SYTL2: variants seen among roughly 807,000 people sequenced by gnomAD.
The protein encoded by SYTL2 is synaptotagmin like 2, also known as synaptotagmin-like protein 2.
A neutral mutation model predicts 198.7 loss-of-function variants in SYTL2; 165 were observed. The ratio of observed to expected loss-of-function variants is 0.83; its 90% CI spans 0.73 to 0.94. The LOEUF (loss-of-function observed/expected upper bound fraction) is 0.94, where lower values mean the gene tolerates loss of function less well. SYTL2 is among the 40% of genes least tolerant of loss of function. SYTL2 has a pLI of 0.00. For missense variants in SYTL2, 2,835 were observed against 2,582.8 expected (o/e 1.10, Z -2.12); for synonymous variants, 966 against 917.7 (o/e 1.05, Z -0.95).
intron 2 of SYTL2, 77 bp downstream of exon 2, chr11:85,757,548 A>G: frequency 6.6e-7 from 1 of 1,520,318 alleles, no homozygotes; most frequent in Non-Finnish European, 9.0e-7. Flanking sequence ...CTTATAGTTG[A>G]AAAAAACCCC....
chr11:85,797,879 A>G (rs1047637623), intron 1 of SYTL2, among the ~76,000 whole-genome samples: 5 of 151,744 alleles, frequency 3.3e-5, no homozygotes, highest in African/African-American at 7.3e-5. Flanking sequence ...CTTGAGAAGG[A>G]GTCTCACTCT....
At chr11:85,841,853 T>C in the SYTL2 span, among the ~76,000 whole-genome samples, 4 of 152,332 alleles carry the variant, frequency 2.6e-5, no homozygotes, top group African/African-American at 9.6e-5. Flanking sequence ...TCAAGTGATT[T>C]ATGTGAATTC....
intron 1 of SYTL2, among the ~76,000 whole-genome samples, chr11:85,797,103 A>T (rs979883720): frequency 6.6e-6 from 1 of 152,168 alleles, no homozygotes; most frequent in Non-Finnish European, 1.5e-5. Flanking sequence ...AGGCAGGAGG[A>T]TTGCTCGAGC....
the SYTL2 span, among the ~76,000 whole-genome samples, chr11:85,833,086 AGAAAGAAAGAAAGAAG>A: frequency 5.2e-3 from 222 of 42,332 alleles, 13 homozygotes; most frequent in Non-Finnish European, 8.8e-3. Context: ...AAAGAAAGAA[AGAAAGAAAGAAAGAAG>A]GAAGGAAGGA....
Position 85,719,208 on chromosome 11 carries a change from C to T in SYTL2, c.5429-365G>A, listed in dbSNP as rs563257940. ...TAGCCATGACTAACACCTTCCCAAACCCATGGTCATTAACAAATATTTGTG... is the reference window on the plus strand; with the variant it reads ...TAGCCATGACTAACACCTTCCCAAATCCATGGTCATTAACAAATATTTGTG... On this transcript the variant is annotated intron_variant, in intron 9 of 19. Coordinates refer to ENST00000359152, the MANE Select transcript of SYTL2 (RefSeq NM_206927.4). 1.4e-4 allele frequency: 174 copies of T among 1,232,706 alleles called. 1 individual carries two copies. The South Asian group carries it at 2.5e-3, about 18-fold the overall frequency. The allele number at this position is 1,232,706 out of a possible 1,614,324, so 76.4% of individuals were successfully genotyped here.
At chr11:85,795,566 A>G (rs1344252707) in intron 1 of SYTL2, among the ~76,000 whole-genome samples, 3 of 152,176 alleles carry the variant, frequency 2.0e-5, no homozygotes, top group Non-Finnish European at 4.4e-5. Context: ...GTTTTTTACT[A>G]TAATGTGCTG....
chr11:85,734,109 G>A lies in SYTL2; in HGVS notation c.1220C>T (p.Thr407Ile). Residue 407 changes from threonine (T) to isoleucine (I), a missense_variant, in exon 7 of 20, where the codon ACA becomes ATA. By Grantham distance (89) the Thr-to-Ile change is moderately conservative (BLOSUM62 -1). This residue lies in a region of SYTL2 where 2,645 missense variants were observed against 2,381.7 expected (regional missense o/e 1.11). Transcript: ENST00000359152. The part of the protein sequence containing the change: ...TSSPYVSKSE[T>I]HQPMTSGSFP... The stretch of plus-strand genomic sequence containing the variant: ...AGAACCAGAAGTCATTGGCTGATGT[G>A]TTTCACTTTTTGATACATATGGGCT... The A allele has an allele frequency of 6.2e-7, 1 of 1,614,174 alleles. No homozygotes were observed. Among genetic ancestry groups the A allele is most frequent in the Non-Finnish European group, 8.5e-7 (1 of 1,180,004 alleles).
At chr11:85,816,109 G>A (rs1461291411), upstream of SYTL2, among the ~76,000 whole-genome samples, 1 of 152,252 alleles carries the variant, frequency 6.6e-6, no homozygotes, top group Non-Finnish European at 1.5e-5. Flanking sequence ...AGGTTGCAGT[G>A]AGCCGAGATC....
intron 1 of SYTL2, among the ~76,000 whole-genome samples, chr11:85,803,870 T>C (rs1236241006): frequency 6.6e-6 from 1 of 152,184 alleles, no homozygotes; most frequent in East Asian, 1.9e-4. Context: ...TCCTGCCAAT[T>C]AGAGGAACAA....
chr11:85,729,050 T>C (rs1371537329), intron 7 of SYTL2, among the ~76,000 whole-genome samples: 2 of 152,194 alleles, frequency 1.3e-5, no homozygotes, highest in African/African-American at 4.8e-5. Context: ...CTATCCTAAA[T>C]ATATATGCAC....
rs536474757 is a variant in SYTL2 at position 85,719,384 on chromosome 11, C to T, written c.5429-541G>A. On this transcript the variant is annotated intron_variant, in intron 9 of 19. Transcript: ENST00000359152. The stretch of plus-strand genomic sequence containing the variant: ...TTGGAAGGGAGCGTGCAGGAATACC[C>T]GTCAGCTGATGGTGATTTTTTTTTA... 22 of 1,033,696 alleles carry T rather than the reference C, an allele frequency of 2.1e-5. No homozygotes were observed. In the Admixed American group the frequency reaches 9.0e-4, roughly 42 times the overall value. 64.0% of individuals were successfully genotyped at this position (1,033,696 alleles called of 1,614,324 possible).
the SYTL2 span, among the ~76,000 whole-genome samples, chr11:85,820,014 A>G: frequency 6.6e-6 from 1 of 152,246 alleles, no homozygotes; most frequent in Non-Finnish European, 1.5e-5. Flanking sequence ...CACCAAATAC[A>G]AAGCGCAGAT....
chr11:85,725,671 T>C lies in SYTL2; in HGVS notation c.3687A>G (p.Gln1229=), dbSNP rs1216141118. Residue 1229 remains glutamine, a synonymous_variant, in exon 8 of 20, where the codon CAA becomes CAG. Transcript: ENST00000359152. ...EATGTSPSPL[Q]AKLAPVITGT... is the part of the protein sequence containing the mutation. ...CAGTGATAACAGGCGCCAACTTGGC[T>C]TGCAAGGGAGAGGGTGAAGTTCCAG... is the stretch of plus-strand genomic sequence containing the variant. The C allele has an allele frequency of 6.2e-7, 1 of 1,613,972 alleles. No individual in the cohort carries two copies. The highest frequency in any genetic ancestry group is 8.5e-7 in the Non-Finnish European group (1 of 1,180,012).
At chr11:85,696,139 G>C (rs779131665) in intron 19 of SYTL2, 44 bp downstream of exon 19, 37 of 1,557,574 alleles carry the variant, frequency 2.4e-5, no homozygotes, top group Non-Finnish European at 1.8e-6. Flanking sequence ...AGTATCTCTA[G>C]AAAAATTTGG....
the SYTL2 span, among the ~76,000 whole-genome samples, chr11:85,829,229 G>C: frequency 1.3e-5 from 2 of 152,106 alleles, no homozygotes; most frequent in Admixed American, 6.5e-5. Context: ...CCCATGCCCT[G>C]CTCCCTCCCT....
At chr11:85,853,484 C>G in the SYTL2 span, 1 of 300,346 alleles carries the variant, frequency 3.3e-6, no homozygotes, top group Non-Finnish European at 6.4e-6. Flanking sequence ...AGAGTCATCA[C>G]CACTCCCTAA....
Position 85,724,969 on chromosome 11 carries a change from T to C in SYTL2, c.4389A>G (p.Ser1463=), listed in dbSNP as rs963930245. 3 of 1,611,006 alleles carry C rather than the reference T, an allele frequency of 1.9e-6. No homozygotes were observed. Among genetic ancestry groups the C allele is most frequent in the Non-Finnish European group, 2.5e-6 (3 of 1,177,496 alleles). ...CATATTGAGCAACAATGGAAGCAAA[T>C]GAGCTAAGCGTCTGGTCTGATGGAG... The part of the protein sequence containing the change: ...QMSPSDQTLS[S]FASIVAQYGK... Residue 1463 remains serine (S), a synonymous_variant, in exon 8 of 20, where the codon TCA becomes TCG. Transcript: ENST00000359152.
At chr11:85,837,785 T>C in the SYTL2 span, among the ~76,000 whole-genome samples, 12 of 152,274 alleles carry the variant, frequency 7.9e-5, no homozygotes, top group East Asian at 9.7e-4. Context: ...ATATGAAGAA[T>C]AGGTGAATAA....
At chr11:85,825,891 G>A in the SYTL2 span, among the ~76,000 whole-genome samples, 1 of 152,114 alleles carries the variant, frequency 6.6e-6, no homozygotes, top group Non-Finnish European at 1.5e-5. Context: ...ATTAAGCAAC[G>A]GAAATATTAT....
Sources: gnomAD v4.1 joint callset for allele counts (sites outside exome capture counted in the v4.1 genomes callset) on GRCh38, gnomAD v4.1.1 for gene constraint, gnomAD v4.1.1 regional missense constraint, MANE v1.5 for transcripts, NCBI Gene and HGNC (gene_info 2026-07-23, HGNC 2026-07-21) for gene names.